Variants in CTNNA3 observed in about 807,000 individuals in gnomAD.
CTNNA3 encodes the protein catenin alpha 3, also known as catenin alpha-3.
In CTNNA3, 76 loss-of-function variants were observed where a neutral mutation model predicts 95.7. That is an observed-to-expected ratio of 0.79 (90% CI 0.66 to 0.96). The LOEUF (loss-of-function observed/expected upper bound fraction) is 0.96. CTNNA3 is among the 40% of genes least tolerant of loss of function. CTNNA3 has a pLI of 0.00. For synonymous variants in CTNNA3, 431 were observed against 374.4 expected, an observed-to-expected ratio of 1.15 and a Z score of -1.74; for missense variants, 1,191 against 1,089.8, an observed-to-expected ratio of 1.09 and a Z score of -1.31.
chr10:66,512,030 T>G (rs1400831223), intron 11 of CTNNA3, among the ~76,000 whole-genome samples: 1 of 151,978 alleles, frequency 6.6e-6, no homozygotes, highest in African/African-American at 2.4e-5. Context: ...ATAATAATAT[T>G]TGCCCTATAT....
chr10:66,544,471 C>G (rs1380490153), intron 10 of CTNNA3, among the ~76,000 whole-genome samples: 1 of 151,952 alleles, frequency 6.6e-6, no homozygotes, highest in Non-Finnish European at 1.5e-5. Context: ...AGGATATAGC[C>G]CAAAAACCAA....
chr10:66,605,696 T>G (rs1023686635), intron 10 of CTNNA3, among the ~76,000 whole-genome samples: 1 of 152,134 alleles, frequency 6.6e-6, no homozygotes, highest in South Asian at 2.1e-4. Context: ...GAGTTTCATA[T>G]CCAGCCAAAC....
intron 17 of CTNNA3, among the ~76,000 whole-genome samples, chr10:65,961,948 CA>C (rs2077853311): frequency 1.3e-5 from 2 of 152,020 alleles, no homozygotes; most frequent in Non-Finnish European, 1.5e-5. Context: ...AGCTGAAAGA[CA>C]AAAGTGCCTG....
intron 12 of CTNNA3, among the ~76,000 whole-genome samples, chr10:66,364,174 T>A (rs1033061300): frequency 6.7e-6 from 1 of 150,350 alleles, no homozygotes; most frequent in African/African-American, 2.4e-5. Context: ...TATATATATA[T>A]AATATATATA....
At chr10:65,975,053 C>T (rs1169238943) in intron 16 of CTNNA3, among the ~76,000 whole-genome samples, 3 of 152,120 alleles carry the variant, frequency 2.0e-5, no homozygotes, top group African/African-American at 2.4e-5. Flanking sequence ...AGGTACTTAT[C>T]GTCTTATATT....
At chr10:66,193,638 T>G (rs2086794658) in intron 13 of CTNNA3, among the ~76,000 whole-genome samples, 1 of 152,206 alleles carries the variant, frequency 6.6e-6, no homozygotes, top group Non-Finnish European at 1.5e-5. Flanking sequence ...AGTATAGATG[T>G]GAACCTTATA....
chr10:66,489,101 C>G (rs1366053199), intron 11 of CTNNA3, among the ~76,000 whole-genome samples: 2 of 152,112 alleles, frequency 1.3e-5, no homozygotes, highest in Non-Finnish European at 2.9e-5. Context: ...CTACTACATA[C>G]ACAGGGTGCA....
chr10:65,993,427 T>A (rs2078584051), intron 15 of CTNNA3, among the ~76,000 whole-genome samples: 1 of 152,242 alleles, frequency 6.6e-6, no homozygotes. Context: ...GATGATTTCA[T>A]ATTGGGTACA....
chr10:66,251,086 C>G (rs1266028398), intron 13 of CTNNA3, among the ~76,000 whole-genome samples: 1 of 152,104 alleles, frequency 6.6e-6, no homozygotes, highest in Non-Finnish European at 1.5e-5. Flanking sequence ...CCACATGGAA[C>G]TAAACACAGT....
intron 7 of CTNNA3, among the ~76,000 whole-genome samples, chr10:66,814,468 T>G (rs1842002582): frequency 1.3e-5 from 2 of 152,080 alleles, no homozygotes; most frequent in African/African-American, 4.8e-5. Context: ...ACGGGCTGGG[T>G]GCAGTGGCTC....
At chr10:67,677,020 T>C (rs1354411104) in intron 1 of CTNNA3, among the ~76,000 whole-genome samples, 5 of 152,082 alleles carry the variant, frequency 3.3e-5, no homozygotes, top group African/African-American at 9.7e-5. Flanking sequence ...AACAGATACA[T>C]TGTAAAAGGA....
chr10:67,655,769 C>G (rs538975425), intron 1 of CTNNA3, among the ~76,000 whole-genome samples: 1 of 137,180 alleles, frequency 7.3e-6, no homozygotes, highest in Admixed American at 7.8e-5. Context: ...TGAAACAGAG[C>G]GAGACTCCGT....
intron 10 of CTNNA3, among the ~76,000 whole-genome samples, chr10:66,572,147 T>A (rs1313141864): frequency 1.3e-5 from 2 of 151,624 alleles, no homozygotes; most frequent in East Asian, 3.9e-4. Context: ...CTATGAGGGG[T>A]TGGGGCAGGT....
At chr10:66,890,144 G>A (rs536653839) in intron 7 of CTNNA3, among the ~76,000 whole-genome samples, 80 of 152,266 alleles carry the variant, frequency 5.3e-4, no homozygotes, top group African/African-American at 1.8e-3. Context: ...TTTTGGACAT[G>A]TAAGGTTTGA....
At chr10:66,964,410 C>T (rs1320205025) in intron 7 of CTNNA3, among the ~76,000 whole-genome samples, 1 of 151,658 alleles carries the variant, frequency 6.6e-6, no homozygotes, top group Non-Finnish European at 1.5e-5. Context: ...CATTTTTAAA[C>T]TGGCACAAAA....
intron 9 of CTNNA3, among the ~76,000 whole-genome samples, chr10:66,644,292 GTCTCTC>G (rs71035159): frequency 3.8e-5 from 3 of 78,734 alleles, no homozygotes; most frequent in Non-Finnish European, 7.6e-5. Flanking sequence ...CTGTCTGTCT[GTCTCTC>G]TCTCTCTCTA....
chr10:67,204,021 G>A (rs1863769052), intron 6 of CTNNA3, among the ~76,000 whole-genome samples: 1 of 152,102 alleles, frequency 6.6e-6, no homozygotes, highest in African/African-American at 2.4e-5. Context: ...AGTGATATTA[G>A]CCCTCTCTTT....
chr10:66,165,779 A>G (rs2131817987), intron 13 of CTNNA3, among the ~76,000 whole-genome samples: 1 of 151,782 alleles, frequency 6.6e-6, no homozygotes, highest in East Asian at 1.9e-4. Flanking sequence ...TATTATTATT[A>G]TTATTTTGAG....
intron 16 of CTNNA3, among the ~76,000 whole-genome samples, chr10:65,986,211 G>A (rs1226923634): frequency 6.6e-6 from 1 of 151,036 alleles, no homozygotes; most frequent in East Asian, 1.9e-4. Context: ...ATTACACATT[G>A]TATGCCTGTA....
Sources: gnomAD v4.1 joint callset for allele counts (sites outside exome capture counted in the v4.1 genomes callset) on GRCh38, gnomAD v4.1.1 for gene constraint, MANE v1.5 for transcripts, NCBI Gene and HGNC (gene_info 2026-07-23, HGNC 2026-07-21) for gene names.